The following DSCAM variants were observed in gnomAD, a reference collection of about 807,000 sequenced individuals.
The protein encoded by DSCAM is cell adhesion molecule DSCAM.
In DSCAM, 47 loss-of-function variants were observed where a neutral mutation model predicts 217.7. That is an observed-to-expected ratio of 0.22 (90% CI 0.17 to 0.28). The LOEUF is 0.28. Among genes scored for constraint, DSCAM ranks in the 10% least tolerant of loss-of-function variants. The pLI is 1.00. For synonymous variants in DSCAM, 1,056 were observed against 1,015.3 expected, an observed-to-expected ratio of 1.04 and a Z score of -0.76; for missense variants, 2,080 against 2,618.3, an observed-to-expected ratio of 0.79 and a Z score of 4.49.
chr21:40,643,259 G>T (rs887406392), intron 3 of DSCAM, among the ~76,000 whole-genome samples: 2 of 152,158 alleles, frequency 1.3e-5, no homozygotes, highest in East Asian at 3.9e-4. Context: ...ACATTTGGGT[G>T]GCCTTCAGGA....
chr21:40,752,041 C>T (rs2091234508), intron 1 of DSCAM, among the ~76,000 whole-genome samples: 1 of 152,136 alleles, frequency 6.6e-6, no homozygotes, highest in African/African-American at 2.4e-5. Flanking sequence ...TGGCAAACAT[C>T]CCAATAGACA....
intron 4 of DSCAM, among the ~76,000 whole-genome samples, chr21:40,362,151 T>C (rs1005397726): frequency 1.3e-5 from 2 of 152,162 alleles, no homozygotes; most frequent in East Asian, 3.9e-4. Flanking sequence ...ATGTGCCACG[T>C]TTTCTTAATC....
chr21:40,022,578 A>T (rs1317960768), intron 32 of DSCAM, among the ~76,000 whole-genome samples: 2 of 152,220 alleles, frequency 1.3e-5, no homozygotes, highest in Non-Finnish European at 2.9e-5. Context: ...AACTGTAATC[A>T]GAAGGCAAAA....
At chr21:40,805,717 CT>C (rs34008527) in intron 1 of DSCAM, among the ~76,000 whole-genome samples, 70,465 of 149,294 alleles carry the variant, frequency 0.47, 18,445 homozygotes, top group South Asian at 0.66. Context: ...CTTTTCTTTT[CT>C]TTTTTTTTTT....
intron 3 of DSCAM, among the ~76,000 whole-genome samples, chr21:40,691,069 C>T (rs935353402): frequency 1.3e-5 from 2 of 152,164 alleles, no homozygotes; most frequent in African/African-American, 4.8e-5. Flanking sequence ...TGCACATGTA[C>T]CCCTGAACTT....
At chr21:40,069,339 C>T (rs913550197) in intron 27 of DSCAM, among the ~76,000 whole-genome samples, 2 of 152,148 alleles carry the variant, frequency 1.3e-5, no homozygotes, top group African/African-American at 2.4e-5. Context: ...TGCCCAGTTC[C>T]TGTGTTCTGT....
intron 3 of DSCAM, among the ~76,000 whole-genome samples, chr21:40,410,134 G>T (rs1369228846): frequency 1.3e-5 from 2 of 152,028 alleles, no homozygotes; most frequent in Non-Finnish European, 2.9e-5. Flanking sequence ...GCAGAAAAAG[G>T]ATAGTATAAA....
At chr21:40,477,046 T>C (rs1432741392) in intron 3 of DSCAM, among the ~76,000 whole-genome samples, 3 of 152,138 alleles carry the variant, frequency 2.0e-5, no homozygotes, top group Non-Finnish European at 4.4e-5. Context: ...AAAACAAAAG[T>C]TATATAACTT....
chr21:40,466,429 T>C (rs1001392673), intron 3 of DSCAM, among the ~76,000 whole-genome samples: 1 of 152,198 alleles, frequency 6.6e-6, no homozygotes, highest in Non-Finnish European at 1.5e-5. Context: ...GACCCAAGCT[T>C]GAGAGCCTGA....
chr21:40,251,944 C>T (rs1381663090), intron 11 of DSCAM, among the ~76,000 whole-genome samples: 2 of 152,162 alleles, frequency 1.3e-5, no homozygotes, highest in African/African-American at 4.8e-5. Context: ...CCAAGGGTGA[C>T]CTTTACTTGG....
intron 17 of DSCAM, among the ~76,000 whole-genome samples, chr21:40,143,560 G>C (rs1262699599): frequency 6.6e-6 from 1 of 152,198 alleles, no homozygotes; most frequent in South Asian, 2.1e-4. Flanking sequence ...TGGAGGCCGA[G>C]GCGGGCAGAT....
chr21:40,659,403 ATCTC>A (rs557994305), intron 3 of DSCAM, among the ~76,000 whole-genome samples: 70 of 149,150 alleles, frequency 4.7e-4, no homozygotes, highest in African/African-American at 1.5e-3. Context: ...CATCTCTCTC[ATCTC>A]TCTATCACTC....
intron 4 of DSCAM, among the ~76,000 whole-genome samples, chr21:40,359,393 G>A (rs2074733007): frequency 6.6e-6 from 1 of 152,086 alleles, no homozygotes; most frequent in East Asian, 1.9e-4. Context: ...TGGTATACTT[G>A]CCAAATAAAA....
chr21:40,067,764 CCCTCCCTCCCTTCCTT>C (rs2089232928), intron 27 of DSCAM, among the ~76,000 whole-genome samples: 2 of 74,824 alleles, frequency 2.7e-5, no homozygotes, highest in South Asian at 4.9e-4. Context: ...CTCCCTCCCT[CCCTCCCTCCCTTCCTT>C]CCTTCCTTCT....
chr21:40,763,619 A>C (rs1233329945), intron 1 of DSCAM, among the ~76,000 whole-genome samples: 1 of 152,224 alleles, frequency 6.6e-6, no homozygotes, highest in East Asian at 1.9e-4. Context: ...GGAATCAAAA[A>C]AGAGCCTGTG....
At chr21:40,113,183 C>T (rs1478074641) in intron 20 of DSCAM, among the ~76,000 whole-genome samples, 1 of 151,976 alleles carries the variant, frequency 6.6e-6, no homozygotes, top group African/African-American at 2.4e-5. Context: ...TACTGGCAAA[C>T]CGAATAAGCA....
intron 2 of DSCAM, among the ~76,000 whole-genome samples, chr21:40,704,200 G>A (rs1440419505): frequency 6.6e-6 from 1 of 151,970 alleles, no homozygotes; most frequent in Admixed American, 6.6e-5. Context: ...CCTCCCTCCT[G>A]ACTATCCCCT....
intron 3 of DSCAM, among the ~76,000 whole-genome samples, chr21:40,573,404 A>G (rs2076824076): frequency 6.6e-6 from 1 of 152,192 alleles, no homozygotes; most frequent in African/African-American, 2.4e-5. Context: ...CAAATATTTG[A>G]AAATTAAACA....
chr21:40,078,558 G>A lies in DSCAM; in HGVS notation c.4711+129C>T, dbSNP rs145396723. On this transcript the variant is annotated intron_variant, in intron 26 of 32. Coordinates refer to ENST00000400454, the MANE Select transcript of DSCAM (RefSeq NM_001389.5). Reference sequence around the variant, plus strand: ...CCCCAGACAGAGTCCATTGAATCCCGAAAGCCTAATGGGCTCCGTGGGCAC... The same window carrying A: ...CCCCAGACAGAGTCCATTGAATCCCAAAAGCCTAATGGGCTCCGTGGGCAC... 918 of 1,253,784 alleles carry A rather than the reference G, an allele frequency of 7.3e-4. 3 individuals carry two copies. Among genetic ancestry groups the A allele is most frequent in the African/African-American group, 7.0e-3 (466 of 66,276 alleles). The allele number at this position is 1,253,784 out of a possible 1,614,324, so 77.7% of individuals were successfully genotyped here.
Sources: gnomAD v4.1 joint callset for allele counts (sites outside exome capture counted in the v4.1 genomes callset) on GRCh38, gnomAD v4.1.1 for gene constraint, MANE v1.5 for transcripts, NCBI Gene and HGNC (gene_info 2026-07-23, HGNC 2026-07-21) for gene names.